Variants in ANTXR1 observed in about 807,000 individuals in gnomAD.
ANTXR1 encodes the protein ANTXR cell adhesion molecule 1, also known as anthrax toxin receptor 1.
ANTXR1 carries 19 observed loss-of-function variants against 78.1 expected under a neutral mutation model. That is an observed-to-expected ratio of 0.24 (90% CI 0.17 to 0.36). ANTXR1 has a LOEUF of 0.36. ANTXR1 is among the 10% of genes least tolerant of loss of function. The probability of loss-of-function intolerance (pLI) is 1.00; values close to 1 mark genes in which losing one functional copy is unlikely to be tolerated. For missense variants in ANTXR1, 518 were observed against 718.6 expected (o/e 0.72, Z 3.19); for synonymous variants, 273 against 260.5 (o/e 1.05, Z -0.46).
intron 17 of ANTXR1, among the ~76,000 whole-genome samples, chr2:69,241,610 G>A (rs909645106): frequency 6.6e-6 from 1 of 152,106 alleles, no homozygotes. Flanking sequence ...GGCTCTAGGG[G>A]CTGCTTTGTT....
At position 69,153,849 on chromosome 2, in the gene ANTXR1, C is replaced by T. The variant is rs535030048; in HGVS notation, c.1047+1585C>T. Among the ~76,000 whole-genome samples the T allele has an allele frequency of 2.7e-4, 41 of 152,306 alleles. No individual in the cohort carries two copies. The South Asian group carries it at 8.1e-3, about 30-fold the overall frequency. ...GGAACATTAGAACAGCCAAGCAGTG[C>T]TCCACCAAATACTGGCTGTGTGACC... On this transcript the variant is annotated intron_variant, in intron 13 of 17. Coordinates refer to ENST00000303714, the MANE Select transcript of ANTXR1 (RefSeq NM_032208.3).
intron 1 of ANTXR1, among the ~76,000 whole-genome samples, chr2:69,016,714 C>T (rs1163898779): frequency 6.6e-6 from 1 of 152,216 alleles, no homozygotes; most frequent in Non-Finnish European, 1.5e-5. Flanking sequence ...TACTATTTGT[C>T]TCTAGCAGGT....
At chr2:69,086,672 C>T (rs954501659) in intron 8 of ANTXR1, among the ~76,000 whole-genome samples, 36 of 152,246 alleles carry the variant, frequency 2.4e-4, no homozygotes, top group African/African-American at 8.2e-4. Context: ...CACATGTGAA[C>T]CACGGTCCAC....
At chr2:69,087,394 G>A (rs1671087785) in intron 8 of ANTXR1, among the ~76,000 whole-genome samples, 1 of 152,140 alleles carries the variant, frequency 6.6e-6, no homozygotes, top group Non-Finnish European at 1.5e-5. Context: ...GAGAGGTTAT[G>A]GAACCTGCCC....
At chr2:69,158,451 G>A (rs905580208) in intron 13 of ANTXR1, among the ~76,000 whole-genome samples, 1 of 152,116 alleles carries the variant, frequency 6.6e-6, no homozygotes, top group Admixed American at 6.5e-5. Flanking sequence ...GGTTTCCATG[G>A]CGTTTTTCTC....
intron 10 of ANTXR1, among the ~76,000 whole-genome samples, chr2:69,121,471 ATCT>A (rs1391575166): frequency 6.6e-6 from 1 of 152,144 alleles, no homozygotes; most frequent in Admixed American, 6.6e-5. Flanking sequence ...TTTCCTGTAC[ATCT>A]TCTTCCTCCT....
chr2:69,243,494 G>A (rs891073154), intron 17 of ANTXR1, among the ~76,000 whole-genome samples: 4 of 152,178 alleles, frequency 2.6e-5, no homozygotes, highest in African/African-American at 9.7e-5. Context: ...GGGGAAAAGG[G>A]ACATGATTTA....
intron 15 of ANTXR1, 148 bp from the exon 16 acceptor site, chr2:69,182,345 C>T (rs1410597937): frequency 2.1e-6 from 2 of 937,338 alleles, no homozygotes; most frequent in Non-Finnish European, 1.7e-6. Context: ...TCTTTTTCCA[C>T]AGTTTCCCTC....
At chr2:69,096,513 A>G (rs1009943627) in intron 9 of ANTXR1, among the ~76,000 whole-genome samples, 2 of 151,816 alleles carry the variant, frequency 1.3e-5, no homozygotes, top group Admixed American at 6.6e-5. Flanking sequence ...GGAGGAAGGG[A>G]GAGAGGAAGG....
At chr2:69,015,086 A>AAG (rs770131118) in intron 1 of ANTXR1, among the ~76,000 whole-genome samples, 2 of 148,104 alleles carry the variant, frequency 1.4e-5, no homozygotes, top group East Asian at 2.0e-4. Context: ...AAAAAAAAAA[A>AAG]GGGGGACAGA....
At chr2:69,114,960 C>T (rs1400066596) in intron 10 of ANTXR1, among the ~76,000 whole-genome samples, 1 of 152,234 alleles carries the variant, frequency 6.6e-6, no homozygotes, top group African/African-American at 2.4e-5. Context: ...GGCCCCTCTA[C>T]ATTGGGCTAA....
intron 1 of ANTXR1, among the ~76,000 whole-genome samples, chr2:69,023,674 G>A (rs141191962): frequency 1.5e-3 from 229 of 152,316 alleles, no homozygotes; most frequent in Non-Finnish European, 9.1e-4. Flanking sequence ...TTATCAAGCT[G>A]TGCTAGAGTT....
chr2:69,192,631 T>G (rs747125052), intron 16 of ANTXR1, among the ~76,000 whole-genome samples: 1 of 152,204 alleles, frequency 6.6e-6, no homozygotes, highest in Non-Finnish European at 1.5e-5. Context: ...AGGTAACATA[T>G]TCACAGGTTC....
intron 17 of ANTXR1, among the ~76,000 whole-genome samples, chr2:69,214,435 A>G (rs1275270748): frequency 3.3e-5 from 5 of 152,152 alleles, no homozygotes; most frequent in African/African-American, 1.2e-4. Context: ...TGTTCAGTGT[A>G]TTCTTAGGCT....
intron 10 of ANTXR1, among the ~76,000 whole-genome samples, chr2:69,118,246 C>CAAA (rs61565815): frequency 5.3e-5 from 5 of 94,962 alleles, no homozygotes; most frequent in East Asian, 6.0e-4. Context: ...CTTGTCTCTA[C>CAAA]AAAAAAAAAA....
intron 8 of ANTXR1, among the ~76,000 whole-genome samples, chr2:69,088,112 AGATTT>A (rs1671113102): frequency 1.3e-5 from 2 of 152,280 alleles, no homozygotes; most frequent in South Asian, 4.2e-4. Context: ...TACACCCCTT[AGATTT>A]ATCAGCTAAT....
intron 17 of ANTXR1, among the ~76,000 whole-genome samples, chr2:69,201,364 G>A (rs564208495): frequency 6.6e-6 from 1 of 152,332 alleles, no homozygotes; most frequent in East Asian, 1.9e-4. Flanking sequence ...GACACAAGGA[G>A]CAGGGTACAG....
At chr2:69,222,341 GT>G (rs989679778) in intron 17 of ANTXR1, among the ~76,000 whole-genome samples, 133 of 152,200 alleles carry the variant, frequency 8.7e-4, no homozygotes, top group African/African-American at 3.2e-3. Flanking sequence ...ACCTTTAAAA[GT>G]GAAAAACATT....
chr2:69,116,698 C>G (rs1359668127), intron 10 of ANTXR1, among the ~76,000 whole-genome samples: 1 of 152,170 alleles, frequency 6.6e-6, no homozygotes, highest in Admixed American at 6.5e-5. Context: ...CTGCTTCGGG[C>G]TTACATCAGC....
Sources: allele counts gnomAD v4.1 joint callset (sites outside exome capture counted in the v4.1 genomes callset), GRCh38; gene constraint gnomAD v4.1.1; transcripts MANE v1.5; gene names NCBI Gene and HGNC (gene_info 2026-07-23, HGNC 2026-07-21).